Variants in TBX15 observed in about 807,000 individuals in gnomAD.
TBX15 encodes T-box transcription factor TBX15.
A neutral mutation model predicts 53.9 loss-of-function variants in TBX15; 18 were observed. That is an observed-to-expected ratio of 0.33 (90% CI 0.23 to 0.49). TBX15 has a LOEUF of 0.49. TBX15 is among the 20% of genes least tolerant of loss of function. The pLI is 0.98. For missense variants in TBX15, 692 were observed against 749.5 expected (o/e 0.92, Z 0.90); for synonymous variants, 295 against 278.0 (o/e 1.06, Z -0.61).
At chr1:118,941,996 C>T (rs1656191456) in intron 1 of TBX15, among the ~76,000 whole-genome samples, 1 of 152,184 alleles carries the variant, frequency 6.6e-6, no homozygotes, top group African/African-American at 2.4e-5. Context: ...TGTGTATTTG[C>T]ATTAATACTT....
chr1:118,903,722 A>G (rs1419059787), intron 6 of TBX15, among the ~76,000 whole-genome samples: 1 of 152,214 alleles, frequency 6.6e-6, no homozygotes, highest in Non-Finnish European at 1.5e-5. Flanking sequence ...AACCAGAAAA[A>G]AATACTTATA....
intron 6 of TBX15, among the ~76,000 whole-genome samples, chr1:118,906,777 A>C (rs1654845030): frequency 6.6e-6 from 1 of 152,186 alleles, no homozygotes; most frequent in Admixed American, 6.5e-5. Flanking sequence ...TGTTATGTAA[A>C]AGGACACTAG....
rs77873376 is a variant in TBX15 at position 118,933,902 on chromosome 1, A to C, written c.206-2070T>G. ...CAATTACAAAAAATTGGAAAGAGAC[A>C]CCTTAAGTAGGACCCAACAGAAATT... On this transcript the variant is annotated intron_variant, in intron 1 of 7. Transcript: ENST00000369429. Among the ~76,000 whole-genome samples the C allele has an allele frequency of 7.9e-3, 1,199 of 152,290 alleles. 20 individuals are homozygous for C. The highest frequency in any genetic ancestry group is 0.027 in the African/African-American group (1,141 of 41,576).
At chr1:118,963,091 A>G (rs1370511244) in intron 1 of TBX15, among the ~76,000 whole-genome samples, 1 of 152,248 alleles carries the variant, frequency 6.6e-6, no homozygotes, top group African/African-American at 2.4e-5. Flanking sequence ...TTTATGCTGT[A>G]AAGCCTAACA....
intron 7 of TBX15, among the ~76,000 whole-genome samples, chr1:118,893,400 A>G (rs28673084): frequency 7.3e-5 from 10 of 136,460 alleles, no homozygotes; most frequent in Admixed American, 1.4e-4. Flanking sequence ...AAAGAAAGAA[A>G]GAAAGAAAGG....
chr1:118,913,634 G>A (rs1175883525), intron 6 of TBX15, among the ~76,000 whole-genome samples: 1 of 152,122 alleles, frequency 6.6e-6, no homozygotes, highest in Non-Finnish European at 1.5e-5. Context: ...AAAGCAGGAA[G>A]CATCTGATAT....
Position 118,884,565 on chromosome 1 carries a change from T to C in TBX15, c.*167A>G. On this transcript the variant is annotated 3_prime_UTR_variant, in exon 8 of 8. Transcript: ENST00000369429. ...TCTATCGCAAGTATCCTTCACTGGCTTAAAGGTATCTCTTGTTCTTGGGTA... is the reference window on the plus strand; with the variant it reads ...TCTATCGCAAGTATCCTTCACTGGCCTAAAGGTATCTCTTGTTCTTGGGTA... 2.4e-6 allele frequency: 2 copies of C among 818,142 alleles called. No individual in the cohort carries two copies. The highest frequency in any genetic ancestry group is 3.7e-6 in the Non-Finnish European group (2 of 535,808). 50.7% of individuals were successfully genotyped at this position (818,142 alleles called of 1,614,324 possible).
intron 1 of TBX15, among the ~76,000 whole-genome samples, chr1:118,984,031 A>C (rs1382655442): frequency 6.6e-6 from 1 of 152,278 alleles, no homozygotes; most frequent in Non-Finnish European, 1.5e-5. Context: ...TTGAGCAAAC[A>C]AACCATAAAC....
At chr1:118,915,980 A>G (rs1655206821) in intron 5 of TBX15, among the ~76,000 whole-genome samples, 1 of 152,214 alleles carries the variant, frequency 6.6e-6, no homozygotes, top group African/African-American at 2.4e-5. Flanking sequence ...AAAAAACAAT[A>G]TCTGTACACT....
chr1:118,898,942 C>A, intron 7 of TBX15, 86 bp downstream of exon 7: 2 of 1,364,530 alleles, frequency 1.5e-6, no homozygotes, highest in African/African-American at 2.9e-5. Context: ...ATATCTTGGC[C>A]TGAGGCCAGA....
At chr1:118,954,334 A>G (rs1181373080) in intron 1 of TBX15, among the ~76,000 whole-genome samples, 1 of 152,180 alleles carries the variant, frequency 6.6e-6, no homozygotes, top group Non-Finnish European at 1.5e-5. Flanking sequence ...CAACAGATAA[A>G]TTAAGATCAA....
chr1:118,956,294 G>T (rs903757027), intron 1 of TBX15, among the ~76,000 whole-genome samples: 1 of 152,062 alleles, frequency 6.6e-6, no homozygotes, highest in African/African-American at 2.4e-5. Flanking sequence ...ACTAGTACTG[G>T]ATATTAGGAC....
At chr1:118,908,354 C>G (rs1348512662) in intron 6 of TBX15, among the ~76,000 whole-genome samples, 3 of 149,652 alleles carry the variant, frequency 2.0e-5, no homozygotes, top group Non-Finnish European at 4.4e-5. Context: ...GGGGGCAGAG[C>G]CCAGGAACAC....
At chr1:118,973,730 C>T (rs1657319975) in intron 1 of TBX15, among the ~76,000 whole-genome samples, 1 of 152,018 alleles carries the variant, frequency 6.6e-6, no homozygotes, top group African/African-American at 2.4e-5. Context: ...CCCAGTTCTC[C>T]ATAACACCCC....
intron 7 of TBX15, among the ~76,000 whole-genome samples, chr1:118,893,617 G>GAGAGAAAGAAAGAA (rs1654290469): frequency 9.4e-6 from 1 of 106,272 alleles, no homozygotes; most frequent in African/African-American, 4.1e-5. Flanking sequence ...GAAAGAAAGA[G>GAGAGAAAGAAAGAA]AGAGAGAAAG....
At chr1:118,893,269 A>AGGAAG (rs1335408048) in intron 7 of TBX15, among the ~76,000 whole-genome samples, 3 of 61,086 alleles carry the variant, frequency 4.9e-5, no homozygotes, top group African/African-American at 2.7e-4. Flanking sequence ...AAAGAAAGGA[A>AGGAAG]GAAGGAAGGA....
rs1456379861 is a variant in TBX15 at position 118,885,338 on chromosome 1, T to C, written c.1203A>G (p.Pro401=). 1.2e-6 allele frequency: 2 copies of C among 1,614,032 alleles called. No individual in the cohort carries two copies. Among genetic ancestry groups the C allele is most frequent in the Non-Finnish European group, 1.7e-6 (2 of 1,180,022 alleles). Residue 401 remains proline (P), a synonymous_variant, in exon 8 of 8, where the codon CCA becomes CCG. Transcript: ENST00000369429. ...AGGCAGCCATGTTGCTTCGGGCACA[T>C]GGTGGATAATCAGAGAGGTTTAGAT... ...LCNLNLSDYP[P]CARSNMAALQ...
In TBX15 at chr1:118,893,303, AAGGAAGGAAG is replaced by A. The variant is rs1557872351; in HGVS notation, c.1024+5715_1024+5724del. ...GAAGGAAGGAAGGAAGGAAGGAAGG[AAGGAAGGAAG>A]GAAAGAAAGAAAGAAGAAAGAAGGA... On this transcript the variant is annotated intron_variant, in intron 7 of 7. Transcript: ENST00000369429. Among the ~76,000 whole-genome samples, 288 of 136,652 alleles carry A rather than the reference AAGGAAGGAAG, an allele frequency of 2.1e-3. 2 individuals are homozygous for A. Among genetic ancestry groups the A allele is most frequent in the African/African-American group, 8.2e-3 (273 of 33,400 alleles). 89.6% of individuals were successfully genotyped at this position (136,652 alleles called of 152,430 possible).
At chr1:118,925,290 T>C (rs1270606261) in intron 3 of TBX15, among the ~76,000 whole-genome samples, 3 of 152,228 alleles carry the variant, frequency 2.0e-5, no homozygotes, top group African/African-American at 4.8e-5. Context: ...CATATTGTCC[T>C]ATAAAATGCA....
Sources: allele counts gnomAD v4.1 joint callset (sites outside exome capture counted in the v4.1 genomes callset), GRCh38; gene constraint gnomAD v4.1.1; transcripts MANE v1.5; gene names NCBI Gene and HGNC (gene_info 2026-07-23, HGNC 2026-07-21).